Variants in TXNRD1 observed in about 807,000 individuals in gnomAD.
TXNRD1 encodes the protein thioredoxin reductase 1, cytoplasmic.
TXNRD1 carries 57 observed loss-of-function variants against 80.3 expected under a neutral mutation model. The observed-to-expected ratio is 0.71, with a 90% CI of 0.57 to 0.89. TXNRD1 has a LOEUF of 0.89. Among genes scored for constraint, TXNRD1 ranks in the 40% least tolerant of loss-of-function variants. The pLI is 0.00. For missense variants in TXNRD1, 730 were observed against 803.0 expected, an observed-to-expected ratio of 0.91 and a Z score of 1.10; for synonymous variants, 291 against 285.2, an observed-to-expected ratio of 1.02 and a Z score of -0.20.
At chr12:104,280,345 T>C (rs12318033) in intron 3 of TXNRD1, 49,396 of 152,080 alleles carry the variant, frequency 0.32, 8,427 homozygotes, top group Middle Eastern at 0.37. Flanking sequence ...CACTTCTTCA[T>C]TGGCTTCTGA....
chr12:104,343,451 C>T (rs560303458), intron 16 of TXNRD1, among the ~76,000 whole-genome samples: 310 of 152,264 alleles, frequency 2.0e-3, no homozygotes, highest in African/African-American at 7.2e-3. Flanking sequence ...GCCAATTCCT[C>T]TTAGTGAGAC....
At chr12:104,273,992 C>T (rs2033706796) in intron 3 of TXNRD1, among the ~76,000 whole-genome samples, 1 of 151,674 alleles carries the variant, frequency 6.6e-6, no homozygotes, top group Admixed American at 6.6e-5. Context: ...GGTGGAGTTG[C>T]AGTGAGCCGA....
chr12:104,295,014 C>T (rs1387730175), intron 4 of TXNRD1, among the ~76,000 whole-genome samples: 2 of 152,044 alleles, frequency 1.3e-5, no homozygotes, highest in Admixed American at 6.6e-5. Context: ...AAAGTTGAGG[C>T]CTGAGGAGGA....
chr12:104,275,946 T>A (rs1485881815), intron 3 of TXNRD1, among the ~76,000 whole-genome samples: 4 of 152,028 alleles, frequency 2.6e-5, no homozygotes, highest in African/African-American at 7.3e-5. Flanking sequence ...ATTTTATAGA[T>A]GAGTAAACAA....
intron 1 of TXNRD1, among the ~76,000 whole-genome samples, chr12:104,232,496 G>A (rs1358354946): frequency 6.6e-6 from 1 of 152,032 alleles, no homozygotes; most frequent in African/African-American, 2.4e-5. Context: ...CTGGGAGGTG[G>A]AGATTGCAGT....
chr12:104,333,845 C>G (rs73396502), intron 14 of TXNRD1, among the ~76,000 whole-genome samples: 3,286 of 152,260 alleles, frequency 0.022, 136 homozygotes, highest in African/African-American at 0.076. Flanking sequence ...CTTAATTGAT[C>G]CTGGCACCTT....
chr12:104,264,844 G>A (rs1440853335), intron 3 of TXNRD1, among the ~76,000 whole-genome samples: 4 of 152,152 alleles, frequency 2.6e-5, no homozygotes, highest in African/African-American at 9.7e-5. Context: ...TTACTGGAAT[G>A]GATTTATGGG....
chr12:104,265,908 A>C, intron 3 of TXNRD1: 1 of 930,718 alleles, frequency 1.1e-6, no homozygotes. Flanking sequence ...AAAAAAAAAA[A>C]AAAAGTGATC....
intron 4 of TXNRD1, among the ~76,000 whole-genome samples, chr12:104,310,628 G>T (rs947226132): frequency 6.6e-6 from 1 of 152,096 alleles, no homozygotes; most frequent in African/African-American, 2.4e-5. Flanking sequence ...GGAATGAAAT[G>T]ATTTTTTAAA....
intron 1 of TXNRD1, among the ~76,000 whole-genome samples, chr12:104,234,788 A>G (rs1282794538): frequency 3.9e-5 from 6 of 152,014 alleles, no homozygotes; most frequent in Non-Finnish European, 8.8e-5. Context: ...GATGAGCAAT[A>G]TATCTCCTAT....
At chr12:104,305,922 T>C (rs75527333) in intron 4 of TXNRD1, among the ~76,000 whole-genome samples, 2,821 of 152,112 alleles carry the variant, frequency 0.019, 85 homozygotes, top group African/African-American at 0.063. Context: ...TTTTTCCCCC[T>C]CGAGACAGAG....
At position 104,304,139 on chromosome 12, in the gene TXNRD1, G is replaced by T; in HGVS notation, c.415-7151G>T. ...CTCGGCGAACAACTCCTTAACCGAG[G>T]CTCTGGAGGAAGCCAACGTCCTCTT... On this transcript the variant is annotated intron_variant, in intron 4 of 16. Transcript: ENST00000525566. The T allele has an allele frequency of 1.9e-6, 3 of 1,614,086 alleles. No individual in the cohort carries two copies. In the South Asian group the frequency reaches 3.3e-5, roughly 18 times the overall value.
At chr12:104,311,913 C>T (rs766729700) in intron 5 of TXNRD1, among the ~76,000 whole-genome samples, 15 of 151,692 alleles carry the variant, frequency 9.9e-5, no homozygotes, top group Middle Eastern at 3.4e-3. Context: ...CCTTGGAGGC[C>T]GAGTTTGCAG....
chr12:104,331,836 G>C (rs1405644838), intron 14 of TXNRD1, among the ~76,000 whole-genome samples, 195 bp downstream of exon 14: 3 of 151,880 alleles, frequency 2.0e-5, no homozygotes, highest in Non-Finnish European at 4.4e-5. Context: ...GTGTGTGTGT[G>C]TTTCTGTGAA....
At chr12:104,335,313 T>C (rs761786874) in intron 15 of TXNRD1, among the ~76,000 whole-genome samples, 6 of 150,944 alleles carry the variant, frequency 4.0e-5, no homozygotes, top group Admixed American at 3.3e-4. Context: ...GTGATTTTCC[T>C]GCCTCAGCCT....
intron 5 of TXNRD1, 103 bp from the exon 6 acceptor site, chr12:104,313,142 C>T: frequency 1.2e-6 from 1 of 829,414 alleles, no homozygotes; most frequent in Non-Finnish European, 2.0e-6. Flanking sequence ...ATTCGTTATG[C>T]TTTAAGCTCT....
intron 1 of TXNRD1, among the ~76,000 whole-genome samples, chr12:104,236,632 A>G (rs1483587644): frequency 1.3e-5 from 2 of 151,968 alleles, no homozygotes; most frequent in Non-Finnish European, 1.5e-5. Flanking sequence ...TCTACTAAAA[A>G]TACAAAATTA....
intron 1 of TXNRD1, among the ~76,000 whole-genome samples, chr12:104,229,500 T>C (rs2135681537): frequency 6.6e-6 from 1 of 152,240 alleles, no homozygotes; most frequent in African/African-American, 2.4e-5. Flanking sequence ...TTTATTCACA[T>C]TGCAGCATGT....
intron 1 of TXNRD1, among the ~76,000 whole-genome samples, chr12:104,249,925 G>A (rs1258080170): frequency 2.8e-5 from 3 of 108,778 alleles, no homozygotes; most frequent in African/African-American, 1.2e-4. Flanking sequence ...AACAGAGCGA[G>A]ACGCCGTCTC....
Sources: allele counts gnomAD v4.1 joint callset (sites outside exome capture counted in the v4.1 genomes callset), GRCh38; gene constraint gnomAD v4.1.1; transcripts MANE v1.5; gene names NCBI Gene and HGNC (gene_info 2026-07-23, HGNC 2026-07-21).